The following ANKRD17 variants were observed in gnomAD, a reference collection of about 807,000 sequenced individuals.
ANKRD17 encodes ankyrin repeat domain-containing protein 17.
ANKRD17 carries 19 observed loss-of-function variants against 229.7 expected under a neutral mutation model. That is an observed-to-expected ratio of 0.08 (90% CI 0.06 to 0.12). The LOEUF is 0.12. Ranked by LOEUF, ANKRD17 falls within the 10% of genes least tolerant of loss-of-function variation. The pLI is 1.00. For missense variants in ANKRD17, 2,176 were observed against 3,176.8 expected, an observed-to-expected ratio of 0.68 and a Z score of 7.57; for synonymous variants, 1,112 against 1,146.1, an observed-to-expected ratio of 0.97 and a Z score of 0.60.
At chr4:73,120,451 A>G (rs925906377) in intron 20 of ANKRD17, 114 bp from the exon 21 acceptor site, 1 of 956,608 alleles carries the variant, frequency 1.0e-6, no homozygotes, top group Non-Finnish European at 1.5e-6. Context: ...CAAGATTCAC[A>G]ACTAAATTTA....
At chr4:73,136,161 C>T (rs1728870211) in intron 15 of ANKRD17, among the ~76,000 whole-genome samples, 1 of 152,010 alleles carries the variant, frequency 6.6e-6, no homozygotes, top group South Asian at 2.1e-4. Context: ...TCTCTCATTG[C>T]CTTATTTCTG....
chr4:73,231,861 C>T (rs1258524397), intron 1 of ANKRD17, among the ~76,000 whole-genome samples: 1 of 152,170 alleles, frequency 6.6e-6, no homozygotes, highest in Non-Finnish European at 1.5e-5. Context: ...GTAATAAAGT[C>T]TCCATAAACG....
chr4:73,098,643 A>T, intron 25 of ANKRD17, 123 bp from the exon 26 acceptor site: 4 of 955,596 alleles, frequency 4.2e-6, no homozygotes, highest in Non-Finnish European at 4.7e-6. Flanking sequence ...CATGTAAGTT[A>T]TTCTCACATT....
chr4:73,155,006 A>G (rs1345272647), intron 5 of ANKRD17, among the ~76,000 whole-genome samples: 2 of 150,906 alleles, frequency 1.3e-5, no homozygotes, highest in Non-Finnish European at 3.0e-5. Context: ...CCGCCACTGC[A>G]CTCCAGCCTG....
intron 24 of ANKRD17, among the ~76,000 whole-genome samples, chr4:73,110,791 A>T (rs973764870): frequency 2.6e-5 from 4 of 152,216 alleles, no homozygotes; most frequent in Admixed American, 2.0e-4. Context: ...TTCACTCAAA[A>T]CTATACATAA....
intron 15 of ANKRD17, among the ~76,000 whole-genome samples, 162 bp from the exon 16 acceptor site, chr4:73,135,427 C>T (rs1371393228): frequency 6.6e-6 from 1 of 152,116 alleles, no homozygotes; most frequent in Non-Finnish European, 1.5e-5. Context: ...TCACTGATGA[C>T]AGTGTAAAAT....
intron 1 of ANKRD17, among the ~76,000 whole-genome samples, chr4:73,196,841 T>C (rs568646421): frequency 4.6e-5 from 7 of 152,314 alleles, no homozygotes; most frequent in Non-Finnish European, 7.4e-5. Flanking sequence ...ATGGACAGTT[T>C]TGAACAAAAG....
intron 27 of ANKRD17, among the ~76,000 whole-genome samples, chr4:73,096,337 A>G (rs367804139): frequency 3.3e-5 from 5 of 152,362 alleles, no homozygotes; most frequent in African/African-American, 1.2e-4. Flanking sequence ...TTAATCCAAT[A>G]GAGTGTGTAT....
intron 1 of ANKRD17, among the ~76,000 whole-genome samples, chr4:73,246,694 G>A (rs1417655985): frequency 6.6e-6 from 1 of 152,136 alleles, no homozygotes. Flanking sequence ...ATCAAAGTAT[G>A]TTTGCTGTGC....
intron 16 of ANKRD17, among the ~76,000 whole-genome samples, chr4:73,131,451 C>T (rs1728186088): frequency 6.6e-6 from 1 of 152,196 alleles, no homozygotes; most frequent in Admixed American, 6.5e-5. Context: ...AAAAGATTAA[C>T]ATTTCCTTTG....
At chr4:73,253,371 A>C (rs1412902116) in intron 1 of ANKRD17, among the ~76,000 whole-genome samples, 1 of 152,248 alleles carries the variant, frequency 6.6e-6, no homozygotes, top group Non-Finnish European at 1.5e-5. Context: ...AGCACATAGT[A>C]GGAACTCCAA....
intron 14 of ANKRD17, 87 bp downstream of exon 14, chr4:73,141,654 T>G (rs1254474784): frequency 4.6e-6 from 6 of 1,302,464 alleles, no homozygotes; most frequent in Non-Finnish European, 6.5e-6. Flanking sequence ...TTAGTAAACT[T>G]CTTTGTTTGT....
Position 73,091,223 on chromosome 4 carries a change from C to A in ANKRD17, c.6405G>T (p.Met2135Ile). 1 of 1,614,212 alleles carries A rather than the reference C, an allele frequency of 6.2e-7. No individual in the cohort carries two copies. The highest frequency in any genetic ancestry group is 1.3e-5 in the African/African-American group (1 of 75,042). ...AACTTGTTGCTAAAGGAGGAACAGTCATTCTAACTTCCGGGGGAGGAACCT... is the reference window on the plus strand; with the variant it reads ...AACTTGTTGCTAAAGGAGGAACAGTAATTCTAACTTCCGGGGGAGGAACCT... ...QSQVPPPEVR[M>I]TVPPLATSSA... The change falls in exon 29 of 34, where the codon ATG becomes ATT. Residue 2135 changes from methionine (M) to isoleucine (I), a missense_variant. Physicochemically the swap from Met to Ile is conservative, Grantham distance 10 (BLOSUM62 1). Around this residue, in one of 18 missense-constraint regions of ANKRD17, gnomAD observed 424 missense variants for 454.0 expected, o/e 0.93. Transcript: ENST00000358602.
intron 1 of ANKRD17, among the ~76,000 whole-genome samples, chr4:73,210,502 C>T (rs1012354326): frequency 5.3e-5 from 8 of 152,116 alleles, no homozygotes; most frequent in African/African-American, 1.4e-4. Context: ...ATATGAACTA[C>T]ACAAAACACA....
At chr4:73,163,973 T>A (rs908599632) in intron 2 of ANKRD17, among the ~76,000 whole-genome samples, 1 of 152,204 alleles carries the variant, frequency 6.6e-6, no homozygotes, top group Non-Finnish European at 1.5e-5. Context: ...AAATTTCATA[T>A]CTGCTACAGT....
At position 73,258,509 on chromosome 4, in the gene ANKRD17, T is replaced by A; in HGVS notation, c.160A>T (p.Met54Leu). 6.4e-7 allele frequency: 1 copy of A among 1,552,814 alleles called. No homozygotes were observed. ...RARSASSPRG[M>L]VRVCDLLLKK... The stretch of plus-strand genomic sequence containing the variant: ...AGGAGCAGGTCGCAGACTCGCACCA[T>A]CCCACGAGGAGACGAGGCCGAGCGA... The change falls in exon 1 of 34, where the codon ATG (methionine) becomes TTG (leucine). Residue 54 changes from methionine (M) to leucine (L), a missense_variant. Physicochemically the swap from Met to Leu is conservative, Grantham distance 15. Coordinates refer to ENST00000358602, the MANE Select transcript of ANKRD17 (RefSeq NM_032217.5).
intron 2 of ANKRD17, among the ~76,000 whole-genome samples, chr4:73,162,948 C>A (rs1278422811): frequency 6.6e-6 from 1 of 151,998 alleles, no homozygotes; most frequent in African/African-American, 2.4e-5. Flanking sequence ...CAGCCTCGAC[C>A]TCCCGGGCTC....
At chr4:73,256,947 T>C (rs1178553971) in intron 1 of ANKRD17, among the ~76,000 whole-genome samples, 1 of 152,246 alleles carries the variant, frequency 6.6e-6, no homozygotes, top group East Asian at 1.9e-4. Flanking sequence ...AATCTGGTCT[T>C]CTACAAATAG....
intron 1 of ANKRD17, among the ~76,000 whole-genome samples, chr4:73,188,302 T>C (rs1736563877): frequency 6.7e-6 from 1 of 148,700 alleles, no homozygotes; most frequent in South Asian, 2.1e-4. Context: ...AAAGAAAAAT[T>C]TAGGCCAGGT....
Sources: gnomAD v4.1 joint callset for allele counts (sites outside exome capture counted in the v4.1 genomes callset) on GRCh38, gnomAD v4.1.1 for gene constraint, gnomAD v4.1.1 regional missense constraint, MANE v1.5 for transcripts, NCBI Gene and HGNC (gene_info 2026-07-23, HGNC 2026-07-21) for gene names.